Variants in NBPF12 observed in about 807,000 individuals in gnomAD.
NBPF12 encodes NBPF family member NBPF12.
NBPF12 carries 115 observed loss-of-function variants against 146.4 expected under a neutral mutation model. That is an observed-to-expected ratio of 0.79 (90% CI 0.68 to 0.92). The LOEUF is 0.92. NBPF12 is among the 40% of genes least tolerant of loss of function. The probability of loss-of-function intolerance (pLI) is 0.00; values close to 1 mark genes in which losing one functional copy is unlikely to be tolerated. For synonymous variants in NBPF12, 385 were observed against 508.9 expected (o/e 0.76, Z 3.28); for missense variants, 1,205 against 1,326.8 (o/e 0.91, Z 1.43).
intron 20 of NBPF12, 82 bp downstream of exon 23, chr1:146,983,173 G>T (rs1255348736): frequency 2.6e-6 from 4 of 1,519,186 alleles, no homozygotes; most frequent in Non-Finnish European, 3.5e-6. Flanking sequence ...TGTGCCCCTT[G>T]TTGGGCTGAG....
intron 11 of NBPF12, among the ~76,000 whole-genome samples, chr1:146,970,123 C>T (rs1656495653): frequency 6.6e-6 from 1 of 150,488 alleles, no homozygotes; most frequent in Non-Finnish European, 1.5e-5. Flanking sequence ...GGGGAAGGCA[C>T]TTGATGTGGG....
intron 29 of NBPF12, among the ~76,000 whole-genome samples, chr1:146,990,761 G>T (rs1300432575): frequency 8.5e-6 from 1 of 118,188 alleles, no homozygotes; most frequent in Non-Finnish European, 1.7e-5. Flanking sequence ...ATGGAATCTT[G>T]AGCAAGTTTA....
chr1:146,957,663 G>C (rs1314005906), intron 2 of NBPF12: 1 of 132,634 alleles, frequency 7.5e-6, no homozygotes, highest in East Asian at 2.6e-4. Context: ...TGTAGATGGA[G>C]GTGTCCACCT....
At chr1:146,973,222 C>T (rs1371393559) in intron 14 of NBPF12, among the ~76,000 whole-genome samples, 14 of 151,000 alleles carry the variant, frequency 9.3e-5, no homozygotes, top group Admixed American at 9.2e-4. Context: ...ACAGAATGAC[C>T]TGTTTTCTCC....
chr1:146,965,820 A>AAAAAAAAAAAC (rs1656164243), intron 8 of NBPF12, among the ~76,000 whole-genome samples: 1 of 138,096 alleles, frequency 7.2e-6, no homozygotes, highest in South Asian at 2.3e-4. Flanking sequence ...AAAAAAAAAA[A>AAAAAAAAAAAC]GTCTCTGACC....
At position 146,968,176 on chromosome 1, in the gene NBPF12, CTG is replaced by C. The variant is rs1458157952; in HGVS notation, c.989-269_989-268del. 3.3e-5 allele frequency among the ~76,000 whole-genome samples: 5 copies of C among 149,878 alleles called. No homozygotes were observed. In the East Asian group the frequency reaches 9.7e-4, roughly 29 times the overall value. ...CGAATTCAGAGTCAGACCTCAGGGA[CTG>C]TGAATTCTGACTCCACTTCGTTGTG... On this transcript the variant is annotated intron_variant, in intron 9 of 33. Transcript: ENST00000617844.
chr1:146,956,294 G>T (rs1323720895), intron 2 of NBPF12, among the ~76,000 whole-genome samples: 1 of 151,984 alleles, frequency 6.6e-6, no homozygotes, highest in African/African-American at 2.4e-5. Context: ...TGTAGAAAAT[G>T]GTTAAAAATG....
chr1:146,973,518 G>C (rs1431212445), intron 14 of NBPF12, among the ~76,000 whole-genome samples: 1 of 148,044 alleles, frequency 6.8e-6, no homozygotes. Flanking sequence ...GGCCGTGCAT[G>C]GTGGCTCACT....
intron 10 of NBPF12, 121 bp downstream of exon 13, chr1:146,968,671 A>C (rs1340051709): frequency 1.2e-6 from 1 of 867,590 alleles, no homozygotes; most frequent in South Asian, 1.4e-5. Flanking sequence ...TTGCCATGGC[A>C]GGCTCGCTAC....
chr1:146,964,354 T>C lies in NBPF12; in HGVS notation c.494-3T>C. The C allele has an allele frequency of 3.7e-6, 6 of 1,603,132 alleles. No homozygotes were observed. Among genetic ancestry groups the C allele is most frequent in the South Asian group, 2.2e-5 (2 of 90,808 alleles). Reference sequence around the variant, plus strand: ...TATCTGAATGAACATTTTGTATTTATAGAAAATGATGAAGATGAGGATGAA... The same window carrying C: ...TATCTGAATGAACATTTTGTATTTACAGAAAATGATGAAGATGAGGATGAA... On this transcript the variant is annotated splice_polypyrimidine_tract_variant and splice_region_variant and intron_variant, in intron 6 of 33. Coordinates refer to ENST00000617844, the Ensembl canonical transcript of NBPF12.
intron 13 of NBPF12, among the ~76,000 whole-genome samples, chr1:146,971,768 G>A (rs1656631993): frequency 6.6e-6 from 1 of 150,706 alleles, no homozygotes; most frequent in African/African-American, 2.5e-5. Context: ...CCTTTTCATT[G>A]GCTTGTCTTA....
At chr1:146,971,046 C>T (rs1656578572) in intron 12 of NBPF12, 137 bp from the exon 16 acceptor site, 2 of 1,370,136 alleles carry the variant, frequency 1.5e-6, no homozygotes, top group East Asian at 2.3e-5. Flanking sequence ...ATTGCCTGTT[C>T]CCTCTTAAAG....
Position 146,994,104 on chromosome 1 carries a change from G to A in NBPF12, c.4131-228G>A, listed in dbSNP as rs587711713. ...ACTAGCTCACTTTCTCTCTGTCTCT[G>A]TCTCTGTCTCTGTCTCTGTCTCTGT... On this transcript the variant is annotated intron_variant, in intron 33 of 33. Transcript: ENST00000617844. Among the ~76,000 whole-genome samples, 677 of 107,758 alleles carry A rather than the reference G, an allele frequency of 6.3e-3. 10 individuals carry two copies. Among genetic ancestry groups the A allele is most frequent in the African/African-American group, 0.01 (224 of 21,478 alleles). The allele number at this position is 107,758 out of a possible 152,430, so 70.7% of individuals were successfully genotyped here. A position where few individuals can be genotyped will look rare whatever the true frequency, so the allele number is the denominator to read the frequency against.
chr1:146,968,891 A>G (rs1173737666), intron 10 of NBPF12, among the ~76,000 whole-genome samples: 1 of 151,274 alleles, frequency 6.6e-6, no homozygotes, highest in Non-Finnish European at 1.5e-5. Flanking sequence ...CCTTAGTGAG[A>G]ATCACCTCCT....
intron 25 of NBPF12, among the ~76,000 whole-genome samples, chr1:146,987,496 CA>C (rs1657847174): frequency 6.6e-6 from 1 of 152,060 alleles, no homozygotes; most frequent in African/African-American, 2.4e-5. Context: ...GCAGGTGGAC[CA>C]GACTTCAAAA....
chr1:146,976,629 A>T (rs1340474796), intron 16 of NBPF12, among the ~76,000 whole-genome samples: 1 of 151,050 alleles, frequency 6.6e-6, no homozygotes, highest in African/African-American at 2.5e-5. Context: ...CAGATCTGGC[A>T]GGATGGGGGA....
At chr1:146,971,851 G>A (rs1310679840) in intron 13 of NBPF12, among the ~76,000 whole-genome samples, 6,774 of 146,106 alleles carry the variant, frequency 0.046, 759 homozygotes, top group African/African-American at 0.16. Flanking sequence ...AGGCCGAGGC[G>A]GGTGGATCAC....
chr1:146,983,018 C>T (rs1657489502), exon 20 of NBPF12: 4 of 1,609,160 alleles, frequency 2.5e-6, no homozygotes, highest in Non-Finnish European at 3.4e-6. Context: ...AAAGGTTGGC[C>T]TCATACCAGT....
At chr1:146,976,305 A>G (rs1657011848) in intron 16 of NBPF12, among the ~76,000 whole-genome samples, 1 of 148,810 alleles carries the variant, frequency 6.7e-6, no homozygotes, top group Middle Eastern at 3.2e-3. Context: ...TCTCCATGGC[A>G]GACAAATTGT....
Sources: gnomAD v4.1 joint callset for allele counts (sites outside exome capture counted in the v4.1 genomes callset) on GRCh38, gnomAD v4.1.1 for gene constraint, MANE v1.5 for transcripts, NCBI Gene and HGNC (gene_info 2026-07-23, HGNC 2026-07-21) for gene names.